Variants in NCOA1 observed in about 807,000 individuals in gnomAD.
The protein encoded by NCOA1 is Hin-2 protein.
Under a neutral mutation model 150.9 loss-of-function variants are expected in NCOA1, and 35 were observed. The observed-to-expected ratio is 0.23, with a 90% CI of 0.18 to 0.31. NCOA1 has a LOEUF of 0.31. Among genes scored for constraint, NCOA1 ranks in the 10% least tolerant of loss-of-function variants. The probability of loss-of-function intolerance (pLI) is 1.00; values close to 1 mark genes in which losing one functional copy is unlikely to be tolerated. For synonymous variants in NCOA1, 590 were observed against 630.0 expected (o/e 0.94, Z 0.95); for missense variants, 1,491 against 1,749.3 (o/e 0.85, Z 2.63).
intron 17 of NCOA1, among the ~76,000 whole-genome samples, chr2:24,733,521 G>T (rs1663126005): frequency 6.7e-6 from 1 of 150,002 alleles, no homozygotes; most frequent in Admixed American, 6.6e-5. Context: ...AGGCGGGTGG[G>T]TTGCCTGAGC....
chr2:24,576,145 CTTTG>C (rs1666945642), intron 2 of NCOA1, among the ~76,000 whole-genome samples: 1 of 101,036 alleles, frequency 9.9e-6, no homozygotes, highest in African/African-American at 4.6e-5. Flanking sequence ...ATTATTTGGC[CTTTG>C]TTTTTTTTTT....
At chr2:24,561,977 A>C (rs1199693365) in intron 1 of NCOA1, among the ~76,000 whole-genome samples, 1 of 152,170 alleles carries the variant, frequency 6.6e-6, no homozygotes, top group African/African-American at 2.4e-5. Context: ...TTTGAAATGC[A>C]GGTCAGTTTA....
chr2:24,656,126 A>C (rs1411831213), intron 4 of NCOA1, among the ~76,000 whole-genome samples: 2 of 151,594 alleles, frequency 1.3e-5, no homozygotes, highest in Admixed American at 1.3e-4. Context: ...GTAAAAACTG[A>C]CATTTGCTTG....
chr2:24,638,499 A>C, intron 3 of NCOA1, among the ~76,000 whole-genome samples: 1 of 152,096 alleles, frequency 6.6e-6, no homozygotes, highest in Admixed American at 6.5e-5. Context: ...CTAAATGCCA[A>C]GTAGTAGGAT....
Position 24,706,562 on chromosome 2 carries a change from C to T in NCOA1, c.1098-6C>T. On this transcript the variant is annotated splice_polypyrimidine_tract_variant and splice_region_variant and intron_variant, in intron 12 of 22. Coordinates refer to ENST00000348332, the MANE Select transcript of NCOA1 (RefSeq NM_003743.5). ...TGTTTGAATAATAATGTCTTTTTCC[C>T]CCTAGGGAGCACAGTGGGCTTTCTC... 6.3e-7 allele frequency: 1 copy of T among 1,595,390 alleles called. No homozygotes were observed. The highest frequency in any genetic ancestry group is 1.3e-5 in the African/African-American group (1 of 74,260).
chr2:24,749,874 T>C (rs1302829716), intron 19 of NCOA1, among the ~76,000 whole-genome samples: 1 of 152,146 alleles, frequency 6.6e-6, no homozygotes, highest in Non-Finnish European at 1.5e-5. Context: ...GGTGATAGAA[T>C]TAGTAGACAG....
intron 17 of NCOA1, among the ~76,000 whole-genome samples, chr2:24,730,823 C>G (rs1470203244): frequency 7.3e-6 from 1 of 137,266 alleles, no homozygotes; most frequent in African/African-American, 2.8e-5. Flanking sequence ...GTTAGGAGTT[C>G]GAGACCAGCG....
intron 19 of NCOA1, among the ~76,000 whole-genome samples, chr2:24,751,582 C>CGG (rs202035427): frequency 1.4e-5 from 2 of 143,880 alleles, no homozygotes; most frequent in Admixed American, 6.9e-5. Context: ...GACTCCATCT[C>CGG]GGGGGAAAAA....
chr2:24,515,899 A>G (rs1181230740), intron 1 of NCOA1, among the ~76,000 whole-genome samples: 1 of 152,230 alleles, frequency 6.6e-6, no homozygotes, highest in African/African-American at 2.4e-5. Context: ...ACCAGGAGTT[A>G]AAAACAAAAC....
intron 3 of NCOA1, among the ~76,000 whole-genome samples, chr2:24,642,037 T>TGTGTGCGCGC (rs942145000): frequency 1.4e-5 from 2 of 138,452 alleles, no homozygotes; most frequent in Admixed American, 7.4e-5. Context: ...TGTGTGTGTG[T>TGTGTGCGCGC]GCGCGCGTGC....
chr2:24,506,450 A>C (rs1283013708), intron 1 of NCOA1, among the ~76,000 whole-genome samples: 5 of 152,190 alleles, frequency 3.3e-5, no homozygotes, highest in Non-Finnish European at 7.3e-5. Context: ...TTTTGGGGTC[A>C]AAATCATTGT....
chr2:24,724,206 A>G (rs1674496685), intron 14 of NCOA1, among the ~76,000 whole-genome samples: 1 of 152,142 alleles, frequency 6.6e-6, no homozygotes, highest in Non-Finnish European at 1.5e-5. Context: ...TAATAGCTTG[A>G]TCGGGGGATC....
At chr2:24,757,150 A>C (rs898346724) in intron 20 of NCOA1, among the ~76,000 whole-genome samples, 2 of 152,232 alleles carry the variant, frequency 1.3e-5, no homozygotes, top group African/African-American at 2.4e-5. Flanking sequence ...CTCAAATTTT[A>C]GTATGCATGA....
chr2:24,544,436 C>A (rs1665525799), intron 1 of NCOA1, among the ~76,000 whole-genome samples: 1 of 152,134 alleles, frequency 6.6e-6, no homozygotes, highest in Non-Finnish European at 1.5e-5. Context: ...ATCTTAGGAA[C>A]ACGTGCTTCT....
At chr2:24,494,904 C>A (rs2148059225) in intron 1 of NCOA1, among the ~76,000 whole-genome samples, 1 of 152,284 alleles carries the variant, frequency 6.6e-6, no homozygotes, top group South Asian at 2.1e-4. Context: ...TGATTGGCAA[C>A]TAAGGATAGG....
intron 2 of NCOA1, among the ~76,000 whole-genome samples, chr2:24,576,879 G>A (rs181203088): frequency 1.3e-5 from 2 of 152,240 alleles, no homozygotes; most frequent in East Asian, 3.9e-4. Context: ...TGCAGTAGTA[G>A]GGTAGTTGAT....
chr2:24,729,590 C>G lies in NCOA1; in HGVS notation c.2976C>G (p.Ser992=). ...LIMEERPNLY[S]QPYSSPSPTA... ...TGGAAGAAAGACCCAACCTTTATTC[C>G]CAGCCTTACTCTTCTCCTTCTCCTA... Residue 992 remains serine (S), a synonymous_variant, in exon 17 of 23, where the codon TCC becomes TCG. Coordinates refer to ENST00000348332, the MANE Select transcript of NCOA1 (RefSeq NM_003743.5). 4 of 1,614,118 alleles carry G rather than the reference C, an allele frequency of 2.5e-6. No homozygotes were observed. Among genetic ancestry groups the G allele is most frequent in the Non-Finnish European group, 3.4e-6 (4 of 1,179,992 alleles).
At chr2:24,709,112 A>G (rs775758738) in intron 13 of NCOA1, among the ~76,000 whole-genome samples, 4 of 152,194 alleles carry the variant, frequency 2.6e-5, no homozygotes, top group Non-Finnish European at 4.4e-5. Flanking sequence ...TCTTGGTACA[A>G]TGAAACTAAT....
intron 2 of NCOA1, among the ~76,000 whole-genome samples, chr2:24,582,416 A>AT (rs1667228605): frequency 6.6e-6 from 1 of 152,192 alleles, no homozygotes; most frequent in South Asian, 2.1e-4. Context: ...TATCTCTACA[A>AT]TAAAAACTAC....
Sources: gnomAD v4.1 joint callset for allele counts (sites outside exome capture counted in the v4.1 genomes callset) on GRCh38, gnomAD v4.1.1 for gene constraint, MANE v1.5 for transcripts, NCBI Gene and HGNC (gene_info 2026-07-23, HGNC 2026-07-21) for gene names.